MAF: variants seen among roughly 807,000 people sequenced by gnomAD.
MAF encodes the protein transcription factor Maf.
A neutral mutation model predicts 22.0 loss-of-function variants in MAF; 10 were observed. The ratio of observed to expected loss-of-function variants is 0.45; its 90% confidence interval spans 0.28 to 0.77. The LOEUF (loss-of-function observed/expected upper bound fraction) is 0.77. Ranked by LOEUF, MAF falls within the 30% of genes least tolerant of loss-of-function variation. MAF has a pLI of 0.12. For synonymous variants in MAF, 337 were observed against 255.8 expected (o/e 1.32, Z -3.03); for missense variants, 544 against 548.4 (o/e 0.99, Z 0.08).
At chr16:79,292,985 A>T in the MAF span, among the ~76,000 whole-genome samples, 1 of 152,236 alleles carries the variant, frequency 6.6e-6, no homozygotes, top group Non-Finnish European at 1.5e-5. Context: ...CCTTTGCCAG[A>T]AAACTCATGA....
chr16:79,471,146 C>T, the MAF span, among the ~76,000 whole-genome samples: 6 of 152,200 alleles, frequency 3.9e-5, no homozygotes, highest in African/African-American at 1.4e-4. Flanking sequence ...ACTCCCACGC[C>T]TGTGGAGGAA....
At chr16:79,249,340 A>C in the MAF span, among the ~76,000 whole-genome samples, 1 of 151,726 alleles carries the variant, frequency 6.6e-6, no homozygotes, top group South Asian at 2.1e-4. Context: ...AACCACCTGA[A>C]TCTGGGAGGT....
At chr16:79,217,030 G>C in the MAF span, among the ~76,000 whole-genome samples, 1 of 152,086 alleles carries the variant, frequency 6.6e-6, no homozygotes, top group Middle Eastern at 3.2e-3. Context: ...GGCTGGTCTC[G>C]AACTCCTGCC....
chr16:79,592,279 G>T (rs1376407429), downstream of MAF, among the ~76,000 whole-genome samples: 1 of 152,106 alleles, frequency 6.6e-6, no homozygotes, highest in Non-Finnish European at 1.5e-5. Flanking sequence ...GTTTCTTTAT[G>T]CCCTAACAAT....
the MAF span, among the ~76,000 whole-genome samples, chr16:79,378,072 T>G: frequency 4.6e-5 from 7 of 152,196 alleles, no homozygotes; most frequent in Non-Finnish European, 8.8e-5. Context: ...GAGAAAGTCA[T>G]GGGTAGCTTG....
At chr16:79,471,102 G>C in the MAF span, among the ~76,000 whole-genome samples, 1 of 152,290 alleles carries the variant, frequency 6.6e-6, no homozygotes, top group East Asian at 1.9e-4. Flanking sequence ...CACATTTGCT[G>C]GACTTTCCTA....
chr16:79,558,168 G>C, the MAF span, among the ~76,000 whole-genome samples: 3 of 152,170 alleles, frequency 2.0e-5, no homozygotes, highest in Non-Finnish European at 2.9e-5. Flanking sequence ...CCTGTGGGGG[G>C]CCATTTTATT....
chr16:79,485,073 A>G, the MAF span, among the ~76,000 whole-genome samples: 3 of 152,134 alleles, frequency 2.0e-5, no homozygotes, highest in African/African-American at 4.8e-5. Context: ...ATGAAAATTA[A>G]CCTGATAAAT....
chr16:79,311,024 T>C, the MAF span, among the ~76,000 whole-genome samples: 1 of 151,536 alleles, frequency 6.6e-6, no homozygotes, highest in Non-Finnish European at 1.5e-5. Context: ...TTTCATTTTT[T>C]TTTTTTTTTC....
At chr16:79,486,124 G>T in the MAF span, among the ~76,000 whole-genome samples, 3 of 152,096 alleles carry the variant, frequency 2.0e-5, no homozygotes, top group Admixed American at 2.0e-4. Flanking sequence ...TCGCTTCCAT[G>T]CTCACCCATA....
chr16:79,289,325 TG>T, the MAF span, among the ~76,000 whole-genome samples: 1 of 150,784 alleles, frequency 6.6e-6, no homozygotes, highest in Non-Finnish European at 1.5e-5. Context: ...AGAGAGGAGA[TG>T]GGGGAAATCA....
chr16:79,523,933 C>A, the MAF span, among the ~76,000 whole-genome samples: 3 of 152,146 alleles, frequency 2.0e-5, no homozygotes, highest in Admixed American at 2.0e-4. Context: ...TTCTTTTCTT[C>A]CCCACTATCT....
chr16:79,293,242 G>A, the MAF span, among the ~76,000 whole-genome samples: 1 of 152,192 alleles, frequency 6.6e-6, no homozygotes, highest in South Asian at 2.1e-4. Flanking sequence ...GGTGTCCCAG[G>A]CCTGATGCTG....
the MAF span, among the ~76,000 whole-genome samples, chr16:79,370,409 T>C: frequency 6.6e-6 from 1 of 152,220 alleles, no homozygotes; most frequent in Non-Finnish European, 1.5e-5. Context: ...ATGACACCTC[T>C]GGACTCACAG....
the MAF span, among the ~76,000 whole-genome samples, chr16:79,217,730 T>C: frequency 6.6e-6 from 1 of 151,876 alleles, no homozygotes; most frequent in Non-Finnish European, 1.5e-5. Flanking sequence ...CAGTTTCCAC[T>C]TTCACACCTG....
the MAF span, among the ~76,000 whole-genome samples, chr16:79,296,442 G>A: frequency 6.6e-6 from 1 of 152,072 alleles, no homozygotes; most frequent in Non-Finnish European, 1.5e-5. Context: ...GTGATGGATT[G>A]ATAAGTGCAG....
the MAF span, among the ~76,000 whole-genome samples, chr16:79,222,789 T>TAC: frequency 6.6e-6 from 1 of 152,138 alleles, no homozygotes; most frequent in Non-Finnish European, 1.5e-5. Flanking sequence ...CATTACATAA[T>TAC]GGTAAAGGGA....
At chr16:79,551,782 C>G in the MAF span, among the ~76,000 whole-genome samples, 1 of 152,176 alleles carries the variant, frequency 6.6e-6, no homozygotes, top group African/African-American at 2.4e-5. Flanking sequence ...ATTCATTTAT[C>G]TATCATCCAC....
At chr16:79,591,196 G>C (rs1453509483), downstream of MAF, among the ~76,000 whole-genome samples, 1 of 152,154 alleles carries the variant, frequency 6.6e-6, no homozygotes, top group Non-Finnish European at 1.5e-5. Context: ...GTCAAGGCTG[G>C]TAATCAGAAT....
Sources: gnomAD v4.1 joint callset for allele counts (sites outside exome capture counted in the v4.1 genomes callset) on GRCh38, gnomAD v4.1.1 for gene constraint, MANE v1.5 for transcripts, NCBI Gene and HGNC (gene_info 2026-07-23, HGNC 2026-07-21) for gene names.